Variants in KCTD8 observed in about 807,000 individuals in gnomAD.
The protein encoded by KCTD8 is BTB/POZ domain-containing protein KCTD8.
KCTD8 carries 27 observed loss-of-function variants against 31.5 expected under a neutral mutation model. That is an observed-to-expected ratio of 0.86 (90% CI 0.63 to 1.18). The LOEUF (loss-of-function observed/expected upper bound fraction) is 1.18, where lower values mean the gene tolerates loss of function less well. Ranked by LOEUF, KCTD8 falls within the 50% of genes most tolerant of loss-of-function variation. KCTD8 has a pLI of 0.00. For synonymous variants in KCTD8, 290 were observed against 280.0 expected, an observed-to-expected ratio of 1.04 and a Z score of -0.36; for missense variants, 658 against 647.7, an observed-to-expected ratio of 1.02 and a Z score of -0.17.
chr4:44,187,075 G>A (rs552158728), intron 1 of KCTD8, among the ~76,000 whole-genome samples: 28 of 152,174 alleles, frequency 1.8e-4, no homozygotes, highest in Non-Finnish European at 3.8e-4. Flanking sequence ...GTCATAAGAA[G>A]AGCCTCACAG....
intron 1 of KCTD8, among the ~76,000 whole-genome samples, chr4:44,425,310 A>C (rs891967149): frequency 6.6e-6 from 1 of 152,076 alleles, no homozygotes; most frequent in Non-Finnish European, 1.5e-5. Context: ...TCCTACCTGC[A>C]TCTGAAAGAA....
chr4:44,424,403 G>A (rs1228258005), intron 1 of KCTD8, among the ~76,000 whole-genome samples: 1 of 152,002 alleles, frequency 6.6e-6, no homozygotes, highest in Non-Finnish European at 1.5e-5. Context: ...TATACACAAT[G>A]TAAACAGCCA....
chr4:44,235,192 T>G (rs1715238792), intron 1 of KCTD8, among the ~76,000 whole-genome samples: 1 of 53,172 alleles, frequency 1.9e-5, no homozygotes, highest in Admixed American at 1.7e-4. Flanking sequence ...GTGTGCTGAG[T>G]TTTTTTTTTT....
rs566017725 is a variant in KCTD8, at chr4:44,447,475, C to T, written c.961+88G>A. 2.8e-6 allele frequency: 4 copies of T among 1,433,046 alleles called. No individual in the cohort carries two copies. The African/African-American group carries it at 4.3e-5, about 15-fold the overall frequency. The allele number at this position is 1,433,046 out of a possible 1,614,324, so 88.8% of individuals were successfully genotyped here. ...AGTTAACCAGCGCCTGCCCCGGACA[C>T]CCCCGCGGGGCCTCCAGCGGGGCTC... On this transcript the variant is annotated intron_variant, in intron 1 of 1. Coordinates refer to ENST00000360029, the MANE Select transcript of KCTD8 (RefSeq NM_198353.3).
At chr4:44,257,942 T>C (rs1716036401) in intron 1 of KCTD8, among the ~76,000 whole-genome samples, 1 of 152,004 alleles carries the variant, frequency 6.6e-6, no homozygotes, top group Non-Finnish European at 1.5e-5. Flanking sequence ...ACAGCCTCAT[T>C]CTTCAATAGG....
chr4:44,427,747 T>A (rs1721383100), intron 1 of KCTD8, among the ~76,000 whole-genome samples: 1 of 151,654 alleles, frequency 6.6e-6, no homozygotes, highest in Non-Finnish European at 1.5e-5. Context: ...CTCCAAAGCA[T>A]TCAAGAGAAC....
At chr4:44,360,532 A>G (rs1182391525) in intron 1 of KCTD8, among the ~76,000 whole-genome samples, 3 of 152,086 alleles carry the variant, frequency 2.0e-5, no homozygotes, top group East Asian at 3.8e-4. Flanking sequence ...TTCCACTGGA[A>G]GTCTAGAGAA....
intron 1 of KCTD8, among the ~76,000 whole-genome samples, chr4:44,295,609 T>C (rs1717406520): frequency 6.6e-6 from 1 of 152,216 alleles, no homozygotes; most frequent in Admixed American, 6.5e-5. Context: ...TTTATTTTGA[T>C]ATGCGTCAGG....
chr4:44,409,469 A>G (rs1056835343), intron 1 of KCTD8, among the ~76,000 whole-genome samples: 6 of 152,162 alleles, frequency 3.9e-5, no homozygotes, highest in African/African-American at 1.4e-4. Context: ...TGGAAGAAGC[A>G]TGGTGATGGC....
chr4:44,254,098 G>A (rs1237667467), intron 1 of KCTD8, among the ~76,000 whole-genome samples: 1 of 151,846 alleles, frequency 6.6e-6, no homozygotes, highest in African/African-American at 2.4e-5. Context: ...CTGTGGATTT[G>A]GCTAAGAAGA....
At chr4:44,206,285 G>C (rs945309629) in intron 1 of KCTD8, among the ~76,000 whole-genome samples, 21 of 152,018 alleles carry the variant, frequency 1.4e-4, no homozygotes, top group African/African-American at 4.8e-4. Flanking sequence ...GTAACCAGGT[G>C]ACCCTTTTCA....
At chr4:44,282,541 G>A (rs181173080) in intron 1 of KCTD8, among the ~76,000 whole-genome samples, 7 of 152,134 alleles carry the variant, frequency 4.6e-5, no homozygotes, top group Admixed American at 4.6e-4. Context: ...CAAATCAAAA[G>A]CTAGAAATGA....
intron 1 of KCTD8, among the ~76,000 whole-genome samples, chr4:44,238,210 T>A (rs1157142888): frequency 6.6e-6 from 1 of 151,966 alleles, no homozygotes; most frequent in Non-Finnish European, 1.5e-5. Flanking sequence ...CCTACACTAG[T>A]CAACTGCTAC....
intron 1 of KCTD8, among the ~76,000 whole-genome samples, chr4:44,408,092 A>G (rs886143782): frequency 2.0e-5 from 3 of 152,230 alleles, no homozygotes; most frequent in African/African-American, 7.2e-5. Context: ...ACTTTGAGAT[A>G]AAATCCCAGT....
intron 1 of KCTD8, among the ~76,000 whole-genome samples, chr4:44,439,609 G>T (rs1407816243): frequency 6.6e-6 from 1 of 152,062 alleles, no homozygotes; most frequent in Non-Finnish European, 1.5e-5. Flanking sequence ...TACCTGTTAA[G>T]TATATTTTAA....
chr4:44,273,494 T>G (rs1413615554), intron 1 of KCTD8, among the ~76,000 whole-genome samples: 1 of 151,900 alleles, frequency 6.6e-6, no homozygotes, highest in Non-Finnish European at 1.5e-5. Context: ...AAATTAGAAG[T>G]CTTATAAAAG....
At chr4:44,219,133 T>C (rs1714734912) in intron 1 of KCTD8, among the ~76,000 whole-genome samples, 1 of 152,246 alleles carries the variant, frequency 6.6e-6, no homozygotes, top group African/African-American at 2.4e-5. Flanking sequence ...CAATATGCTT[T>C]CTGATTTTAT....
chr4:44,349,539 C>G (rs905136792), intron 1 of KCTD8, among the ~76,000 whole-genome samples: 1 of 152,148 alleles, frequency 6.6e-6, no homozygotes, highest in Non-Finnish European at 1.5e-5. Context: ...AAGCTAATGT[C>G]ATCCTGAAAG....
At chr4:44,186,299 T>C (rs964671977) in intron 1 of KCTD8, among the ~76,000 whole-genome samples, 5 of 152,140 alleles carry the variant, frequency 3.3e-5, no homozygotes, top group African/African-American at 4.8e-5. Flanking sequence ...TTGCGTCGCC[T>C]TACTCCAGGC....
Sources: allele counts gnomAD v4.1 joint callset (sites outside exome capture counted in the v4.1 genomes callset), GRCh38; gene constraint gnomAD v4.1.1; transcripts MANE v1.5; gene names NCBI Gene and HGNC (gene_info 2026-07-23, HGNC 2026-07-21).